Variants in DAB1 observed in about 807,000 individuals in gnomAD.
DAB1 encodes DAB adaptor protein 1, also known as disabled homolog 1.
In DAB1, 15 loss-of-function variants were observed where a neutral mutation model predicts 64.6. The ratio of observed to expected loss-of-function variants is 0.23; its 90% CI spans 0.16 to 0.36. DAB1 has a LOEUF of 0.36. DAB1 is among the 10% of genes least tolerant of loss of function. DAB1 has a pLI of 1.00. For synonymous variants in DAB1, 235 were observed against 251.9 expected, an observed-to-expected ratio of 0.93 and a Z score of 0.64; for missense variants, 596 against 706.7, an observed-to-expected ratio of 0.84 and a Z score of 1.78.
chr1:58,222,262 T>C (rs999909278), intron 4 of DAB1, among the ~76,000 whole-genome samples: 1 of 152,148 alleles, frequency 6.6e-6, no homozygotes, highest in African/African-American at 2.4e-5. Flanking sequence ...GGGCTGTGTA[T>C]ATGTATATAT....
At chr1:57,777,141 CTTTTTTTTT>C (rs71051255) in intron 6 of DAB1, among the ~76,000 whole-genome samples, 6 of 90,404 alleles carry the variant, frequency 6.6e-5, no homozygotes, top group African/African-American at 2.7e-4. Flanking sequence ...TTCTGAATTT[CTTTTTTTTT>C]TTTTTTTTTG....
intron 9 of DAB1, among the ~76,000 whole-genome samples, chr1:57,041,046 C>G (rs1278133720): frequency 6.6e-6 from 1 of 152,160 alleles, no homozygotes. Context: ...AAGAGTAGCA[C>G]AGGCTCAGGC....
intron 6 of DAB1, among the ~76,000 whole-genome samples, chr1:57,816,837 C>A (rs1651877693): frequency 6.6e-6 from 1 of 152,160 alleles, no homozygotes; most frequent in African/African-American, 2.4e-5. Flanking sequence ...TTCATTTCAA[C>A]CTAGGATTAC....
chr1:58,391,852 T>C (rs148671828), intron 3 of DAB1, among the ~76,000 whole-genome samples: 58 of 152,346 alleles, frequency 3.8e-4, no homozygotes, highest in Non-Finnish European at 7.1e-4. Flanking sequence ...ACTCTGTGAA[T>C]ATCCTAAAAT....
intron 6 of DAB1, among the ~76,000 whole-genome samples, chr1:57,813,199 A>C (rs932252251): frequency 1.3e-5 from 2 of 152,232 alleles, no homozygotes; most frequent in Admixed American, 6.5e-5. Context: ...CATTATGTTC[A>C]GGTGAAATAT....
chr1:58,356,958 T>C (rs1644117175), intron 3 of DAB1, among the ~76,000 whole-genome samples: 1 of 147,080 alleles, frequency 6.8e-6, no homozygotes, highest in South Asian at 2.1e-4. Flanking sequence ...CCCAGGGAGT[T>C]GAGGCTGTAG....
intron 7 of DAB1, among the ~76,000 whole-genome samples, chr1:57,625,082 G>C (rs147823462): frequency 6.6e-6 from 1 of 152,124 alleles, no homozygotes; most frequent in African/African-American, 2.4e-5. Context: ...GGGAAGGAAG[G>C]CATTTTCACC....
At chr1:58,089,472 A>G (rs1650510658) in intron 5 of DAB1, among the ~76,000 whole-genome samples, 2 of 152,222 alleles carry the variant, frequency 1.3e-5, no homozygotes, top group Admixed American at 6.5e-5. Flanking sequence ...GTCTGGAAGG[A>G]GAGATATATT....
Position 57,238,305 on chromosome 1 carries a change from T to C in DAB1, c.67+52659A>G, listed in dbSNP as rs532410458. Among the ~76,000 whole-genome samples, 16 of 152,200 alleles carry C rather than the reference T, an allele frequency of 1.1e-4. No individual in the cohort carries two copies. In the East Asian group the frequency reaches 3.1e-3, roughly 30 times the overall value. On this transcript the variant is annotated intron_variant, in intron 2 of 14. Coordinates refer to ENST00000371236, the MANE Select transcript of DAB1 (RefSeq NM_001365792.1). ...CCCTCTAGTTATGATACCCTGAGAA[T>C]CACCAGCTTAGAGGAATGTAGCAAG...
chr1:58,098,414 G>A (rs903329350), intron 5 of DAB1, among the ~76,000 whole-genome samples: 2 of 152,170 alleles, frequency 1.3e-5, no homozygotes, highest in Non-Finnish European at 2.9e-5. Context: ...TGCCTGACAG[G>A]AGCTGTGATG....
intron 5 of DAB1, among the ~76,000 whole-genome samples, chr1:58,105,119 C>T (rs1198879712): frequency 6.6e-6 from 1 of 152,190 alleles, no homozygotes; most frequent in Non-Finnish European, 1.5e-5. Flanking sequence ...AAATTTTGTG[C>T]TTTGGCACTC....
intron 3 of DAB1, among the ~76,000 whole-genome samples, chr1:58,473,259 G>A (rs542856199): frequency 6.6e-6 from 1 of 152,080 alleles, no homozygotes; most frequent in Non-Finnish European, 1.5e-5. Context: ...AAATAACATG[G>A]GGGCCGGGCG....
chr1:57,695,682 T>A (rs1646835967), intron 6 of DAB1, among the ~76,000 whole-genome samples: 1 of 152,120 alleles, frequency 6.6e-6, no homozygotes, highest in Admixed American at 6.5e-5. Context: ...GTGGATCACC[T>A]GAGGTCAGGA....
At chr1:57,409,194 C>T (rs17115765) in intron 1 of DAB1, among the ~76,000 whole-genome samples, 21,052 of 152,212 alleles carry the variant, frequency 0.14, 1,573 homozygotes, top group Middle Eastern at 0.22. Context: ...TATCATACCA[C>T]AGAGGTAGCA....
intron 7 of DAB1, among the ~76,000 whole-genome samples, chr1:57,606,645 T>C (rs1645653136): frequency 8.9e-6 from 1 of 112,476 alleles, no homozygotes; most frequent in Non-Finnish European, 1.7e-5. Context: ...ATATATGAAA[T>C]ATATATTATG....
chr1:57,432,671 T>C (rs1685558833), intron 7 of DAB1, among the ~76,000 whole-genome samples: 1 of 152,218 alleles, frequency 6.6e-6, no homozygotes. Context: ...CTTCCATTGT[T>C]CCCCAGATTT....
chr1:58,065,123 A>G (rs1648774614), intron 5 of DAB1, among the ~76,000 whole-genome samples: 1 of 152,190 alleles, frequency 6.6e-6, no homozygotes, highest in African/African-American at 2.4e-5. Context: ...TGAATTGACT[A>G]TTAACTGCTA....
chr1:57,960,430 G>A (rs1334595750), intron 5 of DAB1, among the ~76,000 whole-genome samples: 1 of 150,906 alleles, frequency 6.6e-6, no homozygotes, highest in Non-Finnish European at 1.5e-5. Flanking sequence ...ACTCAATACA[G>A]GAAAATTTCC....
At chr1:57,382,360 T>G (rs1373698807) in intron 1 of DAB1, among the ~76,000 whole-genome samples, 1 of 152,236 alleles carries the variant, frequency 6.6e-6, no homozygotes, top group Non-Finnish European at 1.5e-5. Flanking sequence ...CAATGTTGGT[T>G]GATCTGAGGC....
Sources: allele counts gnomAD v4.1 joint callset (sites outside exome capture counted in the v4.1 genomes callset), GRCh38; gene constraint gnomAD v4.1.1; transcripts MANE v1.5; gene names NCBI Gene and HGNC (gene_info 2026-07-23, HGNC 2026-07-21).